Variants in MAPKAP1 observed in about 807,000 individuals in gnomAD.
MAPKAP1 encodes the protein MAPK associated protein 1, also known as target of rapamycin complex 2 subunit MAPKAP1.
In MAPKAP1, 20 loss-of-function variants were observed where a neutral mutation model predicts 65.7. That is an observed-to-expected ratio of 0.30 (90% CI 0.21 to 0.44). MAPKAP1 has a LOEUF of 0.44. Among genes scored for constraint, MAPKAP1 ranks in the 20% least tolerant of loss-of-function variants. The probability of loss-of-function intolerance (pLI) is 1.00; values close to 1 mark genes in which losing one functional copy is unlikely to be tolerated. For missense variants in MAPKAP1, 423 were observed against 648.0 expected, an observed-to-expected ratio of 0.65 and a Z score of 3.77; for synonymous variants, 222 against 244.3, an observed-to-expected ratio of 0.91 and a Z score of 0.85.
intron 8 of MAPKAP1, among the ~76,000 whole-genome samples, chr9:125,494,083 G>A (rs1358973697): frequency 6.6e-6 from 1 of 152,004 alleles, no homozygotes; most frequent in Non-Finnish European, 1.5e-5. Flanking sequence ...CCACTCCCTC[G>A]GTAAGACTTA....
In MAPKAP1 at chr9:125,707,023, G is replaced by A. The variant is rs971603056; in HGVS notation, c.-122C>T. The A allele has an allele frequency of 2.5e-6, 1 of 397,410 alleles. No individual in the cohort carries two copies. The highest frequency in any genetic ancestry group is 4.4e-6 in the Non-Finnish European group (1 of 225,478). The allele number at this position is 397,410 out of a possible 1,614,324, so 24.6% of individuals were successfully genotyped here. ...GGTCGGCCCCGGGACACGTTCCTGA[G>A]GGGAGGGCCCGGCTCCCCCACGCCT... On this transcript the variant is annotated 5_prime_UTR_variant, in exon 1 of 12. Transcript: ENST00000265960.
At position 125,602,259 on chromosome 9, in the gene MAPKAP1, AAAAG is replaced by A. The variant is rs367609362; in HGVS notation, c.499-16536_499-16533del. Among the ~76,000 whole-genome samples, 471 of 152,334 alleles carry A rather than the reference AAAAG, an allele frequency of 3.1e-3. 3 individuals are homozygous for A. The highest frequency in any genetic ancestry group is 4.4e-3 in the African/African-American group (185 of 41,580). On this transcript the variant is annotated intron_variant, in intron 4 of 11. Transcript: ENST00000265960. ...CAGAGGGAGACCTTGTCTCAAAAAG[AAAAG>A]AAAGAAATATAAACATCAGCAAATG...
intron 6 of MAPKAP1, among the ~76,000 whole-genome samples, chr9:125,556,026 A>G (rs934548261): frequency 6.6e-6 from 1 of 152,228 alleles, no homozygotes; most frequent in African/African-American, 2.4e-5. Flanking sequence ...GTGGGCACAG[A>G]TAATTCAGTT....
intron 6 of MAPKAP1, among the ~76,000 whole-genome samples, chr9:125,554,794 C>CAAAAAAAAAAAAAAAAAA (rs56911891): frequency 3.0e-5 from 2 of 65,640 alleles, no homozygotes; most frequent in Non-Finnish European, 5.4e-5. Flanking sequence ...AGACACTTAT[C>CAAAAAAAAAAAAAAAAAA]AAAAAAAAAA....
intron 9 of MAPKAP1, 67 bp downstream of exon 9, chr9:125,484,376 T>A: frequency 6.8e-7 from 1 of 1,474,614 alleles, no homozygotes; most frequent in African/African-American, 1.4e-5. Context: ...TGTATGTTGT[T>A]TCTTTCCCCA....
chr9:125,689,164 G>A (rs1345714396), intron 1 of MAPKAP1, among the ~76,000 whole-genome samples: 3 of 151,810 alleles, frequency 2.0e-5, no homozygotes, highest in South Asian at 4.2e-4. Context: ...CCAGCCGGGC[G>A]CGGTGGCTCA....
chr9:125,621,298 C>T (rs147380403), intron 4 of MAPKAP1, among the ~76,000 whole-genome samples: 148 of 151,790 alleles, frequency 9.8e-4, no homozygotes, highest in African/African-American at 3.5e-3. Flanking sequence ...CAAAAACAAA[C>T]CACAAAAGTG....
At chr9:125,529,927 A>G (rs1200462311) in intron 7 of MAPKAP1, among the ~76,000 whole-genome samples, 1 of 152,246 alleles carries the variant, frequency 6.6e-6, no homozygotes, top group Non-Finnish European at 1.5e-5. Context: ...TTTCTTTATA[A>G]TGCACTTAAA....
intron 4 of MAPKAP1, among the ~76,000 whole-genome samples, chr9:125,644,273 A>AT (rs374148655): frequency 5.4e-4 from 82 of 152,264 alleles, no homozygotes; most frequent in Middle Eastern, 3.4e-3. Context: ...CATTTAAGTT[A>AT]TTTTCATTAA....
chr9:125,530,539 T>C lies in MAPKAP1; in HGVS notation c.958+12520A>G, dbSNP rs368827433. 4.6e-5 allele frequency among the ~76,000 whole-genome samples: 7 copies of C among 152,364 alleles called. No homozygotes were observed. The East Asian group carries it at 7.7e-4, about 17-fold the overall frequency. The stretch of plus-strand genomic sequence containing the variant: ...CACATTATTTCCAGAATCTTTGGCA[T>C]AGGAAATTAAATTTGCAGACATAAG... On this transcript the variant is annotated intron_variant, in intron 7 of 11. Coordinates refer to ENST00000265960, the MANE Select transcript of MAPKAP1 (RefSeq NM_001006617.3).
At chr9:125,494,369 T>C (rs1424852817) in intron 8 of MAPKAP1, among the ~76,000 whole-genome samples, 4 of 152,194 alleles carry the variant, frequency 2.6e-5, no homozygotes, top group African/African-American at 7.2e-5. Context: ...CGCAGTAGGA[T>C]ATACCCTTCA....
intron 4 of MAPKAP1, among the ~76,000 whole-genome samples, chr9:125,629,980 G>A (rs1320418578): frequency 6.6e-6 from 1 of 152,142 alleles, no homozygotes; most frequent in Non-Finnish European, 1.5e-5. Flanking sequence ...GTATGCTTCA[G>A]CTCACAAACT....
chr9:125,506,393 T>C lies in MAPKAP1; in HGVS notation c.983A>G (p.Gln328Arg). 3 of 1,614,150 alleles carry C rather than the reference T, an allele frequency of 1.9e-6. No homozygotes were observed. The highest frequency in any genetic ancestry group is 2.5e-6 in the Non-Finnish European group (3 of 1,180,030). Reference sequence around the variant, plus strand: ...GTCAACGGCGACATTGGGCTCGCTCTGCTTCTCCAGGCGGTACTGAGGGCC... The same window carrying C: ...GTCAACGGCGACATTGGGCTCGCTCCGCTTCTCCAGGCGGTACTGAGGGCC... ...VSGPQYRLEK[Q>R]SEPNVAVDLD... The change falls in exon 8 of 12, where the codon CAG becomes CGG. Residue 328 changes from glutamine to arginine, a missense_variant. Around this residue, in one of 6 missense-constraint regions of MAPKAP1, gnomAD observed 185 missense variants for 268.1 expected, o/e 0.69. Coordinates refer to ENST00000265960, the MANE Select transcript of MAPKAP1 (RefSeq NM_001006617.3).
At chr9:125,680,204 C>T (rs763487093) in intron 1 of MAPKAP1, among the ~76,000 whole-genome samples, 2 of 151,710 alleles carry the variant, frequency 1.3e-5, no homozygotes, top group South Asian at 2.1e-4. Context: ...GGAACACTCA[C>T]ATTTATTTTC....
chr9:125,531,822 G>T (rs772329016), intron 7 of MAPKAP1, among the ~76,000 whole-genome samples: 5 of 152,108 alleles, frequency 3.3e-5, no homozygotes, highest in Non-Finnish European at 7.4e-5. Flanking sequence ...AATCAAGGAG[G>T]AGACATTACT....
chr9:125,693,604 T>A (rs1009909234), intron 1 of MAPKAP1, among the ~76,000 whole-genome samples: 1 of 147,194 alleles, frequency 6.8e-6, no homozygotes, highest in Non-Finnish European at 1.5e-5. Context: ...CACACACACA[T>A]ACACATATAT....
intron 4 of MAPKAP1, among the ~76,000 whole-genome samples, chr9:125,623,529 C>T (rs1161660740): frequency 1.3e-3 from 15 of 11,604 alleles, no homozygotes; most frequent in African/African-American, 1.9e-3. Flanking sequence ...CCGGCCGCCC[C>T]GTCTGAGAAG....
At chr9:125,695,010 AT>A (rs1427769262) in intron 1 of MAPKAP1, among the ~76,000 whole-genome samples, 17 of 152,324 alleles carry the variant, frequency 1.1e-4, no homozygotes, top group African/African-American at 4.1e-4. Flanking sequence ...AAGTTTTTGT[AT>A]TTTGAATTTT....
rs138248253 is a variant in MAPKAP1, at chr9:125,626,096, G to C, written c.498+31555C>G. On this transcript the variant is annotated intron_variant, in intron 4 of 11. Coordinates refer to ENST00000265960, the MANE Select transcript of MAPKAP1 (RefSeq NM_001006617.3). ...AACCTGTAGTCACTGTTAAGTGTAA[G>C]AGGAACTATTCTATCTATTCTATAG... 8.3e-4 allele frequency among the ~76,000 whole-genome samples: 127 copies of C among 152,376 alleles called. 2 individuals carry two copies. In the East Asian group the frequency reaches 0.017, roughly 20 times the overall value.
Sources: allele counts gnomAD v4.1 joint callset (sites outside exome capture counted in the v4.1 genomes callset), GRCh38; gene constraint gnomAD v4.1.1; regional missense constraint gnomAD v4.1.1; transcripts MANE v1.5; gene names NCBI Gene and HGNC (gene_info 2026-07-23, HGNC 2026-07-21).